Variants in KAZN observed in about 807,000 individuals in gnomAD.
KAZN encodes the protein kazrin.
In KAZN, 40 loss-of-function variants were observed where a neutral mutation model predicts 87.4. The ratio of observed to expected loss-of-function variants is 0.46; its 90% CI spans 0.36 to 0.60. The LOEUF (loss-of-function observed/expected upper bound fraction) is 0.60. KAZN is among the 20% of genes least tolerant of loss of function. The pLI, the probability that KAZN is intolerant of heterozygous loss-of-function variation, is 0.00. For synonymous variants in KAZN, 466 were observed against 458.3 expected, an observed-to-expected ratio of 1.02 and a Z score of -0.22; for missense variants, 898 against 1,073.9, an observed-to-expected ratio of 0.84 and a Z score of 2.29.
chr1:14,303,917 G>A (rs1262246836), intron 2 of KAZN, among the ~76,000 whole-genome samples: 5 of 152,092 alleles, frequency 3.3e-5, no homozygotes, highest in African/African-American at 1.2e-4. Flanking sequence ...TCTCTCCAGT[G>A]CGTCATTTAT....
chr1:15,056,827 G>A lies in KAZN; in HGVS notation c.916+547G>A, dbSNP rs1389380126. Among the ~76,000 whole-genome samples, 2 of 152,208 alleles carry A rather than the reference G, an allele frequency of 1.3e-5. No individual in the cohort carries two copies. Among genetic ancestry groups the A allele is most frequent in the Admixed American group, 6.5e-5 (1 of 15,284 alleles). ...TCCAGGCACTCGGCAGGGAAGTCTG[G>A]CCTGTGGACAGCATCTGCACCTACT... On this transcript the variant is annotated intron_variant, in intron 5 of 14. Coordinates refer to ENST00000376030, the MANE Select transcript of KAZN (RefSeq NM_201628.3). This position sits in a 1 kb window ranked among gnomAD's most constrained non-coding sequence, Gnocchi z 5.4.
chr1:14,513,063 G>C (rs1671002572), intron 2 of KAZN, among the ~76,000 whole-genome samples: 1 of 152,166 alleles, frequency 6.6e-6, no homozygotes, highest in Admixed American at 6.5e-5. Context: ...TCTCTTTCTA[G>C]TTTGGTTTCC....
chr1:13,961,231 A>T (rs1354322337), intron 1 of KAZN, among the ~76,000 whole-genome samples: 1 of 152,092 alleles, frequency 6.6e-6, no homozygotes, highest in East Asian at 1.9e-4. Flanking sequence ...CTTGACTTCT[A>T]CTGCACTCAA....
intron 2 of KAZN, among the ~76,000 whole-genome samples, chr1:15,018,542 C>T (rs1670352553): frequency 1.3e-5 from 2 of 149,642 alleles, no homozygotes; most frequent in South Asian, 2.1e-4. Flanking sequence ...AAATCAAAGA[C>T]AGGATCACAA....
intron 1 of KAZN, among the ~76,000 whole-genome samples, chr1:13,912,521 C>A (rs891969427): frequency 2.0e-5 from 3 of 152,190 alleles, no homozygotes; most frequent in Non-Finnish European, 2.9e-5. Context: ...CTCATGTTGA[C>A]ACCCATTTAA....
At chr1:14,165,123 C>G (rs1645798219) in intron 1 of KAZN, among the ~76,000 whole-genome samples, 1 of 151,942 alleles carries the variant, frequency 6.6e-6, no homozygotes, top group African/African-American at 2.4e-5. Flanking sequence ...AATTGTGTGT[C>G]ATGTGTACAT....
intron 1 of KAZN, among the ~76,000 whole-genome samples, chr1:14,088,054 T>C (rs1643894062): frequency 6.6e-6 from 1 of 151,190 alleles, no homozygotes; most frequent in Admixed American, 6.6e-5. Context: ...TTGGGTAAAA[T>C]TCACCAGTGA....
chr1:14,632,635 C>CA (rs1679654179), intron 1 of KAZN, among the ~76,000 whole-genome samples: 1 of 149,914 alleles, frequency 6.7e-6, no homozygotes, highest in African/African-American at 2.5e-5. Flanking sequence ...CCAAAGGCTA[C>CA]AGGTAATCAT....
intron 13 of KAZN, among the ~76,000 whole-genome samples, chr1:15,106,685 G>C (rs938550066): frequency 6.6e-6 from 1 of 152,158 alleles, no homozygotes; most frequent in African/African-American, 2.4e-5. Flanking sequence ...TTCACCAAGA[G>C]CTTATGGGTC....
At chr1:14,899,076 T>G (rs1432393261) in intron 1 of KAZN, among the ~76,000 whole-genome samples, 2 of 152,208 alleles carry the variant, frequency 1.3e-5, no homozygotes, top group Non-Finnish European at 2.9e-5. Flanking sequence ...ACATGTTCCC[T>G]CTTGGAGACT....
intron 1 of KAZN, among the ~76,000 whole-genome samples, chr1:14,765,971 T>C (rs1644873350): frequency 6.6e-6 from 1 of 152,178 alleles, no homozygotes; most frequent in Non-Finnish European, 1.5e-5. Context: ...TCGAAGGGTG[T>C]GTCTGTGTTG....
chr1:14,108,140 T>G (rs1644420157), intron 1 of KAZN, among the ~76,000 whole-genome samples: 1 of 152,104 alleles, frequency 6.6e-6, no homozygotes, highest in Non-Finnish European at 1.5e-5. Context: ...GAGGATGCTT[T>G]TTTTGTACCC....
intron 2 of KAZN, among the ~76,000 whole-genome samples, chr1:14,529,903 G>A (rs1214841602): frequency 6.6e-6 from 1 of 152,218 alleles, no homozygotes; most frequent in Non-Finnish European, 1.5e-5. Context: ...GGAGCCACAT[G>A]CTTTTATGAC....
At chr1:15,059,423 C>T (rs979296343) in intron 5 of KAZN, among the ~76,000 whole-genome samples, 4 of 152,140 alleles carry the variant, frequency 2.6e-5, no homozygotes, top group Admixed American at 1.3e-4. Context: ...TGGCTCTAGC[C>T]GAGGCTGCTG....
At chr1:14,438,235 T>C (rs1571647629) in intron 2 of KAZN, among the ~76,000 whole-genome samples, 1 of 152,274 alleles carries the variant, frequency 6.6e-6, no homozygotes, top group African/African-American at 2.4e-5. Context: ...AACACAGATA[T>C]TTACCAAGTG....
chr1:14,569,295 T>C (rs1035578606), intron 2 of KAZN, among the ~76,000 whole-genome samples: 47 of 144,322 alleles, frequency 3.3e-4, no homozygotes, highest in Non-Finnish European at 6.6e-4. Context: ...CAAAACCACC[T>C]CCTCTACCTC....
At chr1:15,072,049 C>G (rs1338041929) in intron 8 of KAZN, among the ~76,000 whole-genome samples, 2 of 152,162 alleles carry the variant, frequency 1.3e-5, no homozygotes, top group Admixed American at 6.5e-5. Context: ...CCAATGGCTT[C>G]CCTGTCATAC....
At position 14,677,982 on chromosome 1, in the gene KAZN, C is replaced by T. The variant is rs897715224; in HGVS notation, c.226+78759C>T. Among the ~76,000 whole-genome samples the T allele has an allele frequency of 2.1e-4, 32 of 152,152 alleles. 1 individual carries two copies. Among genetic ancestry groups the T allele is most frequent in the Non-Finnish European group, 3.1e-4 (21 of 68,036 alleles). ...TGGGGGCCCTGAGCTGCTCCTCATG[C>T]CCTACGAAGTCTGACCCCAGAATTG... On this transcript the variant is annotated intron_variant, in intron 1 of 14. Coordinates refer to ENST00000376030, the MANE Select transcript of KAZN (RefSeq NM_201628.3).
chr1:14,096,692 A>T (rs896255382), intron 1 of KAZN, among the ~76,000 whole-genome samples: 1 of 152,222 alleles, frequency 6.6e-6, no homozygotes, highest in African/African-American at 2.4e-5. Flanking sequence ...TTTATTGGAG[A>T]AGGCTTCAAG....
Sources: allele counts gnomAD v4.1 joint callset (sites outside exome capture counted in the v4.1 genomes callset), GRCh38; gene constraint gnomAD v4.1.1; non-coding constraint Gnocchi (gnomAD v3.1); transcripts MANE v1.5; gene names NCBI Gene and HGNC (gene_info 2026-07-23, HGNC 2026-07-21).